PID1: variants seen among roughly 807,000 people sequenced by gnomAD.
The protein encoded by PID1 is PTB-containing, cubilin and LRP1-interacting protein.
Under a neutral mutation model 19.1 loss-of-function variants are expected in PID1, and 10 were observed. The observed-to-expected ratio is 0.52, with a 90% CI of 0.32 to 0.89. The LOEUF (loss-of-function observed/expected upper bound fraction) is 0.89, where lower values mean the gene tolerates loss of function less well. PID1 is among the 40% of genes least tolerant of loss of function. PID1 has a pLI of 0.03. For synonymous variants in PID1, 130 were observed against 116.0 expected (o/e 1.12, Z -0.78); for missense variants, 248 against 285.3 (o/e 0.87, Z 0.94).
intron 1 of PID1, among the ~76,000 whole-genome samples, chr2:229,157,619 C>T (rs1559261776): frequency 6.6e-6 from 1 of 152,110 alleles, no homozygotes; most frequent in South Asian, 2.1e-4. Flanking sequence ...CAACTCTTAA[C>T]ATGTAGGAAT....
intron 2 of PID1, among the ~76,000 whole-genome samples, chr2:229,146,818 G>A (rs948915055): frequency 6.6e-6 from 1 of 152,072 alleles, no homozygotes; most frequent in East Asian, 1.9e-4. Context: ...CAGAAGAGAA[G>A]GCAATGTGAC....
intron 2 of PID1, among the ~76,000 whole-genome samples, chr2:229,099,869 AT>A (rs1695041866): frequency 6.6e-6 from 1 of 152,220 alleles, no homozygotes; most frequent in Non-Finnish European, 1.5e-5. Context: ...TTGGAACATC[AT>A]ACCTTTTGCT....
intron 1 of PID1, among the ~76,000 whole-genome samples, chr2:229,171,476 T>G (rs994341965): frequency 6.6e-6 from 1 of 152,196 alleles, no homozygotes; most frequent in African/African-American, 2.4e-5. Context: ...GAGACAGCAA[T>G]TCTAATATTC....
At chr2:229,233,954 C>T (rs182242236) in intron 1 of PID1, among the ~76,000 whole-genome samples, 44 of 152,276 alleles carry the variant, frequency 2.9e-4, no homozygotes, top group African/African-American at 8.9e-4. Flanking sequence ...TCCTTAGTCT[C>T]AAGAAGCATA....
chr2:229,166,280 G>GAA (rs1690594982), intron 1 of PID1, among the ~76,000 whole-genome samples: 1 of 152,188 alleles, frequency 6.6e-6, no homozygotes, highest in Admixed American at 6.5e-5. Flanking sequence ...GTGACTGAGA[G>GAA]GAGATCAGTT....
At chr2:229,097,893 C>A (rs1695001660) in intron 2 of PID1, among the ~76,000 whole-genome samples, 1 of 152,142 alleles carries the variant, frequency 6.6e-6, no homozygotes, top group Non-Finnish European at 1.5e-5. Flanking sequence ...AAACTCACTG[C>A]CAGTTCGATA....
intron 1 of PID1, among the ~76,000 whole-genome samples, chr2:229,158,973 G>A (rs1011238203): frequency 6.6e-6 from 1 of 152,026 alleles, no homozygotes; most frequent in Non-Finnish European, 1.5e-5. Context: ...GATGGTTAAT[G>A]GGTACAAAAA....
intron 2 of PID1, among the ~76,000 whole-genome samples, chr2:229,112,763 G>A (rs1695324017): frequency 6.6e-6 from 1 of 152,174 alleles, no homozygotes; most frequent in Admixed American, 6.5e-5. Context: ...GGGATTACAG[G>A]TGTGAGACAC....
At chr2:229,268,690 A>C (rs576905477) in intron 1 of PID1, among the ~76,000 whole-genome samples, 1 of 152,316 alleles carries the variant, frequency 6.6e-6, no homozygotes, top group South Asian at 2.1e-4. Flanking sequence ...ATCATTAAAG[A>C]GCAGAACTCA....
chr2:229,032,176 C>CCATTATACCT (rs1693568496), intron 2 of PID1, among the ~76,000 whole-genome samples: 1 of 152,180 alleles, frequency 6.6e-6, no homozygotes, highest in Non-Finnish European at 1.5e-5. Flanking sequence ...TGTATATGGG[C>CCATTATACCT]CATTATACCT....
intron 1 of PID1, among the ~76,000 whole-genome samples, chr2:229,265,600 C>T (rs1021915664): frequency 1.3e-5 from 2 of 152,140 alleles, no homozygotes; most frequent in African/African-American, 4.8e-5. Flanking sequence ...TTATATAAAG[C>T]CTCTGTTTAA....
chr2:229,264,392 A>G (rs1690540329), intron 1 of PID1, among the ~76,000 whole-genome samples: 1 of 152,140 alleles, frequency 6.6e-6, no homozygotes, highest in Non-Finnish European at 1.5e-5. Flanking sequence ...TATAAGAGGT[A>G]TGTCAACTCA....
chr2:229,135,080 A>G (rs1689832467), intron 2 of PID1, among the ~76,000 whole-genome samples: 1 of 152,168 alleles, frequency 6.6e-6, no homozygotes, highest in Admixed American at 6.6e-5. Flanking sequence ...AGAGAAGAGG[A>G]GGGAAAGATG....
intron 1 of PID1, among the ~76,000 whole-genome samples, chr2:229,209,204 A>T (rs1002073036): frequency 1.3e-5 from 2 of 152,230 alleles, no homozygotes; most frequent in Non-Finnish European, 2.9e-5. Flanking sequence ...CAAAGGAACT[A>T]TACCAGCAAG....
intron 1 of PID1, among the ~76,000 whole-genome samples, chr2:229,172,046 C>T (rs1288712500): frequency 6.6e-6 from 1 of 152,168 alleles, no homozygotes; most frequent in African/African-American, 2.4e-5. Flanking sequence ...TCATAGGGAG[C>T]TGTGCACAGG....
intron 2 of PID1, among the ~76,000 whole-genome samples, chr2:229,073,320 C>T (rs566463434): frequency 6.6e-6 from 1 of 152,244 alleles, no homozygotes; most frequent in Admixed American, 6.5e-5. Context: ...CCACCGCGCC[C>T]AGCCAATTGC....
At chr2:229,222,863 A>AC (rs1491200225) in intron 1 of PID1, among the ~76,000 whole-genome samples, 17 of 82,378 alleles carry the variant, frequency 2.1e-4, no homozygotes, top group Admixed American at 1.2e-3. Flanking sequence ...CTTCACACAC[A>AC]AACACACACA....
intron 2 of PID1, among the ~76,000 whole-genome samples, chr2:229,072,009 A>G (rs1274409656): frequency 6.6e-6 from 1 of 152,182 alleles, no homozygotes; most frequent in Non-Finnish European, 1.5e-5. Context: ...GTGTCATTCT[A>G]TAGTTTTGAG....
chr2:229,042,926 AT>A (rs914061999), intron 2 of PID1, among the ~76,000 whole-genome samples: 17 of 151,610 alleles, frequency 1.1e-4, no homozygotes, highest in African/African-American at 3.4e-4. Context: ...TTCCTATTAG[AT>A]TTTTTTCTTT....
Sources: allele counts gnomAD v4.1 joint callset (sites outside exome capture counted in the v4.1 genomes callset), GRCh38; gene constraint gnomAD v4.1.1; transcripts MANE v1.5; gene names NCBI Gene and HGNC (gene_info 2026-07-23, HGNC 2026-07-21).